SIPA1L3: variants seen among roughly 807,000 people sequenced by gnomAD.
The protein encoded by SIPA1L3 is signal induced proliferation associated 1 like 3, also known as signal-induced proliferation-associated 1-like protein 3.
Under a neutral mutation model 150.1 loss-of-function variants are expected in SIPA1L3, and 59 were observed. That is an observed-to-expected ratio of 0.39 (90% CI 0.32 to 0.49). The LOEUF (loss-of-function observed/expected upper bound fraction) is 0.49. SIPA1L3 is among the 20% of genes least tolerant of loss of function. The probability of loss-of-function intolerance (pLI) is 0.86; values close to 1 mark genes in which losing one functional copy is unlikely to be tolerated. For synonymous variants in SIPA1L3, 1,070 were observed against 1,077.6 expected (o/e 0.99, Z 0.14); for missense variants, 2,211 against 2,489.5 (o/e 0.89, Z 2.38).
chr19:38,052,247 C>G (rs1312414707), intron 2 of SIPA1L3, among the ~76,000 whole-genome samples: 2 of 152,142 alleles, frequency 1.3e-5, no homozygotes. Flanking sequence ...GTTGGGAAAA[C>G]AGAATCCACT....
intron 9 of SIPA1L3, among the ~76,000 whole-genome samples, chr19:38,122,348 A>G (rs1431954519): frequency 6.6e-6 from 1 of 152,038 alleles, no homozygotes; most frequent in East Asian, 1.9e-4. Context: ...CCATCCCTCC[A>G]TTTGCGGATG....
At chr19:38,111,906 CACAT>C (rs937207121) in intron 8 of SIPA1L3, among the ~76,000 whole-genome samples, 7 of 151,564 alleles carry the variant, frequency 4.6e-5, no homozygotes, top group South Asian at 2.1e-4. Flanking sequence ...TGCACACACA[CACAT>C]GCATGCACGC....
chr19:38,113,808 A>G (rs932680449), intron 8 of SIPA1L3, among the ~76,000 whole-genome samples: 12 of 152,096 alleles, frequency 7.9e-5, no homozygotes, highest in Admixed American at 2.0e-4. Flanking sequence ...TTGTTGAATA[A>G]ATAATTCTGA....
chr19:37,924,868 G>C (rs2046488664), intron 1 of SIPA1L3, among the ~76,000 whole-genome samples: 1 of 151,820 alleles, frequency 6.6e-6, no homozygotes, highest in African/African-American at 2.4e-5. Context: ...GGCCCACATA[G>C]TGAAACCCTC....
chr19:38,203,382 C>A (rs980721306), intron 20 of SIPA1L3, among the ~76,000 whole-genome samples: 1 of 152,206 alleles, frequency 6.6e-6, no homozygotes, highest in Admixed American at 6.5e-5. Flanking sequence ...AGCCCCCGAC[C>A]GCCACCGCCT....
At chr19:37,914,739 A>G (rs533128394) in intron 1 of SIPA1L3, among the ~76,000 whole-genome samples, 1 of 152,254 alleles carries the variant, frequency 6.6e-6, no homozygotes, top group African/African-American at 2.4e-5. Flanking sequence ...TTCTGGGCTC[A>G]GGTGATCCTC....
chr19:37,937,276 A>G (rs994826483), intron 1 of SIPA1L3, among the ~76,000 whole-genome samples: 2 of 152,200 alleles, frequency 1.3e-5, no homozygotes, highest in Admixed American at 6.6e-5. Context: ...ATCTATCATA[A>G]TGAACAGCCG....
At chr19:38,045,464 C>T (rs554809520) in intron 2 of SIPA1L3, among the ~76,000 whole-genome samples, 6 of 150,460 alleles carry the variant, frequency 4.0e-5, no homozygotes, top group Admixed American at 3.3e-4. Flanking sequence ...CACAGCCACT[C>T]GAGAGGCTAA....
chr19:37,955,419 C>T (rs542646929), intron 1 of SIPA1L3, among the ~76,000 whole-genome samples: 85 of 151,084 alleles, frequency 5.6e-4, no homozygotes, highest in African/African-American at 2.0e-3. Context: ...GTATGCAATT[C>T]AGCTGTTTTT....
At position 38,081,884 on chromosome 19, in the gene SIPA1L3, G is replaced by A. The variant is rs750464597; in HGVS notation, c.319G>A (p.Gly107Ser). The A allele has an allele frequency of 2.5e-5, 41 of 1,614,020 alleles. No individual in the cohort carries two copies. Among genetic ancestry groups the A allele is most frequent in the Non-Finnish European group, 3.2e-5 (38 of 1,180,002 alleles). ...SNPSPSQDTD[G>S]TKATKMAHSM... ...CCCAAGCCCCTCCCAGGACACAGATGGCACAAAGGCCACCAAGATGGCCCA... is the reference window on the plus strand; with the variant it reads ...CCCAAGCCCCTCCCAGGACACAGATAGCACAAAGGCCACCAAGATGGCCCA... Residue 107 changes from glycine to serine, a missense_variant, in exon 3 of 22, where the codon GGC becomes AGC. Physicochemically the swap from Gly to Ser is moderately conservative, Grantham distance 56 (BLOSUM62 0). Transcript: ENST00000222345.
At chr19:38,035,905 G>C (rs1050081994) in intron 2 of SIPA1L3, among the ~76,000 whole-genome samples, 2 of 152,208 alleles carry the variant, frequency 1.3e-5, no homozygotes, top group African/African-American at 4.8e-5. Flanking sequence ...TCATTCACCA[G>C]ACATGTGAGG....
At chr19:37,992,416 C>T (rs1450285234) in intron 1 of SIPA1L3, among the ~76,000 whole-genome samples, 1 of 152,028 alleles carries the variant, frequency 6.6e-6, no homozygotes, top group Non-Finnish European at 1.5e-5. Flanking sequence ...TTTGGGAGGC[C>T]GATGCAGGTG....
intron 1 of SIPA1L3, among the ~76,000 whole-genome samples, chr19:37,917,273 C>T (rs938848261): frequency 7.2e-5 from 11 of 151,976 alleles, no homozygotes; most frequent in African/African-American, 2.4e-4. Flanking sequence ...CAGCACTGGC[C>T]GAGGGTATGA....
chr19:38,020,773 C>G (rs1450991637), intron 1 of SIPA1L3, among the ~76,000 whole-genome samples: 1 of 152,114 alleles, frequency 6.6e-6, no homozygotes, highest in Non-Finnish European at 1.5e-5. Context: ...CAGTGGAAAT[C>G]TTTGAGTCCC....
Position 38,164,489 on chromosome 19 carries a change from A to T in SIPA1L3, c.3791A>T (p.Gln1264Leu), listed in dbSNP as rs758950962. The T allele has an allele frequency of 5.6e-6, 9 of 1,607,826 alleles. No homozygotes were observed. The highest frequency in any genetic ancestry group is 1.7e-4 in the Middle Eastern group (1 of 6,032). Residue 1264 changes from glutamine (Q) to leucine (L), a missense_variant, in exon 15 of 22, where the codon CAA becomes CTA. Transcript: ENST00000222345. This position sits in a 1 kb window ranked among gnomAD's most constrained non-coding sequence, Gnocchi z 4.1. Reference protein sequence around the residue: ...SPNRHSKGEPQYSSHSSSNTL... With the variant: ...SPNRHSKGEPLYSSHSSSNTL... ...TCTCTTGCCTCTCAGGGAGAACCTC[A>T]ATACTCAAGTCATTCCAGCAGCAAC...
intron 3 of SIPA1L3, among the ~76,000 whole-genome samples, chr19:38,086,507 G>A (rs1184329876): frequency 6.6e-6 from 1 of 152,100 alleles, no homozygotes; most frequent in Non-Finnish European, 1.5e-5. Context: ...GGGCAACATA[G>A]TGAGACCTCA....
intron 1 of SIPA1L3, among the ~76,000 whole-genome samples, chr19:37,988,102 C>T (rs192687501): frequency 4.9e-4 from 75 of 152,334 alleles, no homozygotes; most frequent in Middle Eastern, 3.4e-3. Context: ...CTGCTGGCTC[C>T]TGCCCTACCT....
At chr19:38,121,663 T>C (rs908197925) in intron 9 of SIPA1L3, among the ~76,000 whole-genome samples, 21 of 150,162 alleles carry the variant, frequency 1.4e-4, no homozygotes, top group African/African-American at 4.7e-4. Context: ...GGCGTGAACC[T>C]GGGAGGCGGA....
intron 2 of SIPA1L3, among the ~76,000 whole-genome samples, chr19:38,063,208 T>G (rs1284988290): frequency 6.7e-6 from 1 of 148,860 alleles, no homozygotes; most frequent in Non-Finnish European, 1.5e-5. Flanking sequence ...TCCACCCCCC[T>G]CCCCACTCCA....
Sources: allele counts gnomAD v4.1 joint callset (sites outside exome capture counted in the v4.1 genomes callset), GRCh38; gene constraint gnomAD v4.1.1; non-coding constraint Gnocchi (gnomAD v3.1); transcripts MANE v1.5; gene names NCBI Gene and HGNC (gene_info 2026-07-23, HGNC 2026-07-21).